The following NAALADL2 variants were observed in gnomAD, a reference collection of about 807,000 sequenced individuals.
NAALADL2 encodes inactive N-acetylated-alpha-linked acidic dipeptidase-like protein 2.
In NAALADL2, 76 loss-of-function variants were observed where a neutral mutation model predicts 87.2. The ratio of observed to expected loss-of-function variants is 0.87; its 90% CI spans 0.72 to 1.05. The LOEUF (loss-of-function observed/expected upper bound fraction) is 1.05, where lower values mean the gene tolerates loss of function less well. Among genes scored for constraint, NAALADL2 ranks in the 50% least tolerant of loss-of-function variants. The probability of loss-of-function intolerance (pLI) is 0.00; values close to 1 mark genes in which losing one functional copy is unlikely to be tolerated. For synonymous variants in NAALADL2, 354 were observed against 331.0 expected (o/e 1.07, Z -0.75); for missense variants, 1,089 against 945.8 (o/e 1.15, Z -1.99).
At chr3:175,754,418 T>C (rs1239955039) in intron 12 of NAALADL2, among the ~76,000 whole-genome samples, 1 of 152,202 alleles carries the variant, frequency 6.6e-6, no homozygotes, top group Non-Finnish European at 1.5e-5. Flanking sequence ...GAATGACTTT[T>C]AGTAAGTTAC....
chr3:175,150,924 G>A (rs535204673), intron 2 of NAALADL2, among the ~76,000 whole-genome samples: 1 of 152,144 alleles, frequency 6.6e-6, no homozygotes, highest in African/African-American at 2.4e-5. Flanking sequence ...TGCCTTCAGG[G>A]CCATGCAGGT....
In NAALADL2 at chr3:175,567,440, T is replaced by G. The variant is rs563696578; in HGVS notation, c.1654-8601T>G. Among the ~76,000 whole-genome samples the G allele has an allele frequency of 1.6e-4, 24 of 152,196 alleles. No individual in the cohort carries two copies. The East Asian group carries it at 3.5e-3, about 22-fold the overall frequency. On this transcript the variant is annotated intron_variant, in intron 9 of 13. Coordinates refer to ENST00000454872, the MANE Select transcript of NAALADL2 (RefSeq NM_207015.3). ...CATTAGTACATAATGAAATTTTAAA[T>G]TTTAAATAAAAAGTATTTCAAATAT...
chr3:175,685,712 C>A lies in NAALADL2; in HGVS notation c.1897-51594C>A, dbSNP rs115682611. On this transcript the variant is annotated intron_variant, in intron 11 of 13. Coordinates refer to ENST00000454872, the MANE Select transcript of NAALADL2 (RefSeq NM_207015.3). ...CATCTGAAGGGCAGCAGACTGGAGA[C>A]CCTGGAAAAGCTGATGTTTCTGTTC... is the stretch of plus-strand genomic sequence containing the variant. Among the ~76,000 whole-genome samples the A allele has an allele frequency of 2.1e-3, 313 of 152,042 alleles. 2 individuals are homozygous for A. Among genetic ancestry groups the A allele is most frequent in the African/African-American group, 7.1e-3 (295 of 41,440 alleles).
At chr3:174,471,935 G>T (rs1033489857) in intron 1 of NAALADL2, among the ~76,000 whole-genome samples, 2 of 152,200 alleles carry the variant, frequency 1.3e-5, no homozygotes, top group South Asian at 4.1e-4. Flanking sequence ...GATGATAGCT[G>T]TATCAGTGCT....
At position 174,967,371 on chromosome 3, in the gene NAALADL2, C is replaced by CA. The variant is rs58590340; in HGVS notation, c.43+107937dup. ...TCAGCCAGCTATATGTGGTGGATTG[C>CA]AAAAAAAAAAAAAAAAGAAAAAAGG... On this transcript the variant is annotated intron_variant, in intron 1 of 13. Coordinates refer to ENST00000454872, the MANE Select transcript of NAALADL2 (RefSeq NM_207015.3). 9.4e-3 allele frequency among the ~76,000 whole-genome samples: 1,181 copies of CA among 126,252 alleles called. 11 individuals are homozygous for CA. The highest frequency in any genetic ancestry group is 0.028 in the African/African-American group (1,000 of 35,660). 82.8% of individuals were successfully genotyped at this position (126,252 alleles called of 152,430 possible).
At chr3:175,507,667 G>T (rs898980559) in intron 9 of NAALADL2, among the ~76,000 whole-genome samples, 1 of 151,954 alleles carries the variant, frequency 6.6e-6, no homozygotes, top group Non-Finnish European at 1.5e-5. Flanking sequence ...CAGGTGATCT[G>T]CCCACCTCGG....
At chr3:174,855,958 A>ATG (rs1202984359), upstream of NAALADL2, among the ~76,000 whole-genome samples, 22 of 120,892 alleles carry the variant, frequency 1.8e-4, no homozygotes, top group African/African-American at 8.2e-4. Context: ...ATATGAATAT[A>ATG]TGTGTATGTG....
At chr3:174,939,723 T>C (rs1313215978) in intron 1 of NAALADL2, among the ~76,000 whole-genome samples, 1 of 152,102 alleles carries the variant, frequency 6.6e-6, no homozygotes, top group African/African-American at 2.4e-5. Flanking sequence ...ATCTTTTACT[T>C]CCCTGGTTAG....
intron 3 of NAALADL2, among the ~76,000 whole-genome samples, chr3:175,249,787 C>A (rs1227970791): frequency 6.6e-6 from 1 of 152,054 alleles, no homozygotes; most frequent in Non-Finnish European, 1.5e-5. Flanking sequence ...GATCCTAGAC[C>A]CTCTAGTGTG....
At chr3:175,271,204 G>A (rs1383366428) in intron 4 of NAALADL2, 1 of 152,036 alleles carries the variant, frequency 6.6e-6, no homozygotes, top group African/African-American at 2.4e-5. Context: ...TAATCTTAGA[G>A]AAAGAAAAAG....
chr3:174,893,124 A>T (rs978611353), intron 1 of NAALADL2, among the ~76,000 whole-genome samples: 18 of 152,174 alleles, frequency 1.2e-4, no homozygotes, highest in Admixed American at 7.9e-4. Flanking sequence ...TGGAAACTTT[A>T]CAGGCCAGAA....
intron 1 of NAALADL2, among the ~76,000 whole-genome samples, chr3:174,530,648 C>T (rs1168394451): frequency 6.6e-6 from 1 of 152,176 alleles, no homozygotes; most frequent in Non-Finnish European, 1.5e-5. Context: ...TCTCATATGG[C>T]AGCAGATAAG....
At position 175,275,049 on chromosome 3, in the gene NAALADL2, G is replaced by C. The variant is rs551194059; in HGVS notation, c.939+18519G>C. 7.9e-5 allele frequency among the ~76,000 whole-genome samples: 12 copies of C among 152,250 alleles called. No individual in the cohort carries two copies. In the South Asian group the frequency reaches 2.5e-3, roughly 32 times the overall value. ...ACCTTATTATCTGAATTGTTCTTCA[G>C]TGCTCAGGTACTTTTTACTGACTAA... is the stretch of plus-strand genomic sequence containing the variant. On this transcript the variant is annotated intron_variant, in intron 4 of 13. Coordinates refer to ENST00000454872, the MANE Select transcript of NAALADL2 (RefSeq NM_207015.3).
At chr3:175,631,454 T>G (rs890725303) in intron 11 of NAALADL2, among the ~76,000 whole-genome samples, 5 of 151,416 alleles carry the variant, frequency 3.3e-5, no homozygotes, top group African/African-American at 1.2e-4. Context: ...GTAGTTCTTT[T>G]TTTTTTTTTT....
At chr3:175,533,381 G>C (rs1582284722) in intron 9 of NAALADL2, among the ~76,000 whole-genome samples, 1 of 152,270 alleles carries the variant, frequency 6.6e-6, no homozygotes, top group African/African-American at 2.4e-5. Flanking sequence ...GGGGTGTTGG[G>C]GGTGGCTCCT....
chr3:175,454,802 C>A (rs1158260287), intron 6 of NAALADL2, among the ~76,000 whole-genome samples: 1 of 152,006 alleles, frequency 6.6e-6, no homozygotes, highest in Non-Finnish European at 1.5e-5. Flanking sequence ...AAAATCTTCT[C>A]TTCCTTTCCA....
chr3:174,604,354 C>A (rs1202762732), intron 2 of NAALADL2, among the ~76,000 whole-genome samples: 8 of 152,100 alleles, frequency 5.3e-5, no homozygotes, highest in Admixed American at 5.2e-4. Flanking sequence ...GTCTTGAAAT[C>A]TATTTTTTCT....
intron 11 of NAALADL2, among the ~76,000 whole-genome samples, chr3:175,662,752 A>G (rs1732433071): frequency 6.6e-6 from 1 of 151,892 alleles, no homozygotes; most frequent in African/African-American, 2.4e-5. Flanking sequence ...TGAAATAATC[A>G]TTTGTTTTTG....
intron 1 of NAALADL2, among the ~76,000 whole-genome samples, chr3:175,071,737 A>G (rs944287411): frequency 1.3e-5 from 2 of 151,992 alleles, no homozygotes; most frequent in Non-Finnish European, 2.9e-5. Context: ...AGGAAATGAT[A>G]TTGCAAAGCA....
Sources: allele counts gnomAD v4.1 joint callset (sites outside exome capture counted in the v4.1 genomes callset), GRCh38; gene constraint gnomAD v4.1.1; transcripts MANE v1.5; gene names NCBI Gene and HGNC (gene_info 2026-07-23, HGNC 2026-07-21).